EDA: variants seen among roughly 807,000 people sequenced by gnomAD.
EDA encodes the protein ectodysplasin A.
In EDA, 2 loss-of-function variants were observed where a neutral mutation model predicts 23.6. The observed-to-expected ratio is 0.08, with a 90% CI of 0.03 to 0.27. EDA has a LOEUF of 0.27. Among genes scored for constraint, EDA ranks in the 10% least tolerant of loss-of-function variants. The probability of loss-of-function intolerance (pLI) is 1.00; values close to 1 mark genes in which losing one functional copy is unlikely to be tolerated. For synonymous variants in EDA, 131 were observed against 132.0 expected, an observed-to-expected ratio of 0.99 and a Z score of 0.05; for missense variants, 229 against 324.2, an observed-to-expected ratio of 0.71 and a Z score of 2.26.
intron 1 of EDA, among the ~76,000 whole-genome samples, chrX:69,876,021 C>T (rs999604355): frequency 4.5e-5 from 5 of 111,917 alleles, no homozygotes; most frequent in African/African-American, 1.6e-4. Context: ...AAAGGGAACA[C>T]TTTTGCACTG....
chrX:69,674,175 G>C (rs572950406), intron 1 of EDA, among the ~76,000 whole-genome samples: 2 of 109,285 alleles, frequency 1.8e-5, no homozygotes, highest in African/African-American at 6.6e-5. Flanking sequence ...TTGTTATTTG[G>C]GGTATACTTT....
intron 1 of EDA, among the ~76,000 whole-genome samples, chrX:69,788,001 T>C (rs1176652123): frequency 9.0e-6 from 1 of 111,563 alleles, no homozygotes; most frequent in Non-Finnish European, 1.9e-5. Flanking sequence ...CTTTTTATTC[T>C]TTTTTCTCTA....
In EDA at chrX:69,680,950, C is replaced by G. The variant is rs891314779; in HGVS notation, c.396+64246C>G. ...TTTACAATTTGGCATGATTTTGCAG[C>G]GGCTGGTACCGGTTGTTCCTTTCCA... On this transcript the variant is annotated intron_variant, in intron 1 of 7. Transcript: ENST00000374552. 4.0e-3 allele frequency among the ~76,000 whole-genome samples: 430 copies of G among 106,710 alleles called. 2 individuals carry two copies. The highest frequency in any genetic ancestry group is 0.014 in the African/African-American group (415 of 29,186). 92.7% of individuals were successfully genotyped at this position (106,710 alleles called of 115,157 possible).
intron 1 of EDA, among the ~76,000 whole-genome samples, chrX:69,752,775 G>A (rs375429833): frequency 1.5e-4 from 17 of 111,554 alleles, no homozygotes; most frequent in African/African-American, 3.9e-4. Flanking sequence ...GTCTATTCAG[G>A]GATTCAACTT....
At chrX:69,753,592 T>C (rs1289753402) in intron 1 of EDA, among the ~76,000 whole-genome samples, 1 of 111,994 alleles carries the variant, frequency 8.9e-6, no homozygotes, top group Non-Finnish European at 1.9e-5. Context: ...GTCTATTAGG[T>C]CTGCTTGGTG....
intron 1 of EDA, among the ~76,000 whole-genome samples, chrX:69,789,308 G>A (rs1246313495): frequency 8.9e-6 from 1 of 112,202 alleles, no homozygotes. Context: ...CGGCCATCTT[G>A]GCTCCTCCCC....
intron 1 of EDA, among the ~76,000 whole-genome samples, chrX:69,678,611 TG>T (rs2147277908): frequency 9.2e-6 from 1 of 109,198 alleles, no homozygotes; most frequent in East Asian, 2.9e-4. Context: ...ACTCACGATT[TG>T]GCTCTCTGTT....
At chrX:69,964,291 T>C (rs2019144313) in intron 2 of EDA, among the ~76,000 whole-genome samples, 1 of 111,209 alleles carries the variant, frequency 9.0e-6, no homozygotes, top group South Asian at 3.8e-4. Context: ...CAAAAGCATA[T>C]AAGGAGTTTT....
At chrX:69,764,143 T>A (rs989728963) in intron 1 of EDA, among the ~76,000 whole-genome samples, 3 of 108,937 alleles carry the variant, frequency 2.8e-5, no homozygotes, top group Non-Finnish European at 5.7e-5. Flanking sequence ...ACTGTTTTGG[T>A]CTAGCAATGA....
In EDA at chrX:69,685,371, A is replaced by C. The variant is rs1934508932; in HGVS notation, c.396+68667A>C. 2.7e-5 allele frequency among the ~76,000 whole-genome samples: 3 copies of C among 111,970 alleles called. No individual in the cohort carries two copies. In the South Asian group the frequency reaches 1.1e-3, roughly 41 times the overall value. On this transcript the variant is annotated intron_variant, in intron 1 of 7. Transcript: ENST00000374552. The stretch of plus-strand genomic sequence containing the variant: ...TTACAGCAAATGATTTCATGGGAAC[A>C]TTTATTTAGATTTTGTATTTTATTT...
At chrX:69,989,643 A>G (rs1203819620) in intron 2 of EDA, among the ~76,000 whole-genome samples, 1 of 111,600 alleles carries the variant, frequency 9.0e-6, no homozygotes, top group Non-Finnish European at 1.9e-5. Flanking sequence ...ACAGAAATAT[A>G]TATATAATCT....
At chrX:69,636,078 T>C (rs1932768372) in intron 1 of EDA, among the ~76,000 whole-genome samples, 1 of 110,991 alleles carries the variant, frequency 9.0e-6, no homozygotes. Flanking sequence ...ATAGTTCTGA[T>C]GTTTGTCCCC....
Position 69,952,293 on chromosome X carries a change from G to A in EDA, c.397-4734G>A, listed in dbSNP as rs185075315. Among the ~76,000 whole-genome samples, 12 of 112,134 alleles carry A rather than the reference G, an allele frequency of 1.1e-4. No individual in the cohort carries two copies. The East Asian group carries it at 2.2e-3, about 21-fold the overall frequency. On this transcript the variant is annotated intron_variant, in intron 1 of 7. Coordinates refer to ENST00000374552, the MANE Select transcript of EDA (RefSeq NM_001399.5). Reference sequence around the variant, plus strand: ...TTTAAAAAAGAAAGAAGTTTAATTGGACTTACAGTTCTCCGTGGCTGGGGA... The same window carrying A: ...TTTAAAAAAGAAAGAAGTTTAATTGAACTTACAGTTCTCCGTGGCTGGGGA...
chrX:69,814,780 G>A (rs1265474153), intron 1 of EDA, among the ~76,000 whole-genome samples: 2 of 111,805 alleles, frequency 1.8e-5, no homozygotes, highest in African/African-American at 3.3e-5. Context: ...AAGGGAAGCC[G>A]TGAGTGATTG....
chrX:70,034,420 G>C (rs1415266629), intron 7 of EDA, among the ~76,000 whole-genome samples: 1 of 111,687 alleles, frequency 9.0e-6, no homozygotes, highest in African/African-American at 3.3e-5. Context: ...AGCTGATAGA[G>C]GGAGTGACCT....
intron 1 of EDA, among the ~76,000 whole-genome samples, chrX:69,713,382 A>G (rs762580882): frequency 5.4e-5 from 6 of 111,577 alleles, no homozygotes; most frequent in African/African-American, 2.0e-4. Context: ...ATTTCTTCAG[A>G]TTTACTTGTA....
chrX:69,999,620 G>A (rs372116016), intron 2 of EDA, among the ~76,000 whole-genome samples: 100 of 76,976 alleles, frequency 1.3e-3, no homozygotes, highest in Admixed American at 2.1e-3. Flanking sequence ...CTGTCTCAGA[G>A]AAAAAAAAAA....
intron 1 of EDA, among the ~76,000 whole-genome samples, chrX:69,632,962 G>C (rs1485709810): frequency 9.0e-6 from 1 of 110,917 alleles, no homozygotes; most frequent in Non-Finnish European, 1.9e-5. Flanking sequence ...CTTTGGGGGG[G>C]ACCTTTTTTG....
At chrX:69,931,984 C>T (rs955945368) in intron 1 of EDA, among the ~76,000 whole-genome samples, 1 of 112,248 alleles carries the variant, frequency 8.9e-6, no homozygotes, top group African/African-American at 3.2e-5. Context: ...AACTCTGTTA[C>T]ATCCATGCAA....
Sources: gnomAD v4.1 joint callset for allele counts (sites outside exome capture counted in the v4.1 genomes callset) on GRCh38, gnomAD v4.1.1 for gene constraint, MANE v1.5 for transcripts, NCBI Gene and HGNC (gene_info 2026-07-23, HGNC 2026-07-21) for gene names.